Variants in ELAPOR1 observed in about 807,000 individuals in gnomAD.
ELAPOR1 encodes endosome/lysosome-associated apoptosis and autophagy regulator 1.
ELAPOR1 carries 77 observed loss-of-function variants against 119.7 expected under a neutral mutation model. That is an observed-to-expected ratio of 0.64 (90% confidence interval 0.54 to 0.78). The LOEUF is 0.78. Ranked by LOEUF, ELAPOR1 falls within the 30% of genes least tolerant of loss-of-function variation. ELAPOR1 has a pLI of 0.00. For missense variants in ELAPOR1, 1,115 were observed against 1,270.4 expected (o/e 0.88, Z 1.86); for synonymous variants, 481 against 487.2 (o/e 0.99, Z 0.17).
At chr1:109,187,484 A>T (rs1570710969) in intron 8 of ELAPOR1, 1 of 1,000,116 alleles carries the variant, frequency 1.0e-6, no homozygotes, top group South Asian at 4.7e-5. Flanking sequence ...ATCTGCACAG[A>T]TCATGTTCAT....
intron 1 of ELAPOR1, among the ~76,000 whole-genome samples, chr1:109,152,375 A>G (rs1457071378): frequency 6.6e-6 from 1 of 152,180 alleles, no homozygotes; most frequent in Non-Finnish European, 1.5e-5. Context: ...ATCCTGTCCC[A>G]GCCAAGACAA....
chr1:109,165,786 C>T (rs1212579099), intron 3 of ELAPOR1, among the ~76,000 whole-genome samples: 2 of 149,654 alleles, frequency 1.3e-5, no homozygotes, highest in African/African-American at 4.9e-5. Context: ...ACTCTGTCGC[C>T]CAGGCTGGAG....
At chr1:109,164,719 C>T (rs761456199) in intron 3 of ELAPOR1, 28 bp downstream of exon 3, 7 of 1,585,994 alleles carry the variant, frequency 4.4e-6, no homozygotes, top group Admixed American at 1.7e-5. Flanking sequence ...CCCACCCCAC[C>T]CCCAGCCCAC....
intron 9 of ELAPOR1, 39 bp from the exon 10 acceptor site, chr1:109,189,027 T>C (rs755645737): frequency 3.0e-5 from 48 of 1,607,682 alleles, no homozygotes; most frequent in Non-Finnish European, 4.0e-5. Context: ...GACTGCAGCC[T>C]TCCCACTGAA....
chr1:109,143,665 G>T (rs1449272358), intron 1 of ELAPOR1, among the ~76,000 whole-genome samples: 1 of 151,988 alleles, frequency 6.6e-6, no homozygotes, highest in Non-Finnish European at 1.5e-5. Flanking sequence ...TCAGCTGCCT[G>T]TAAAAGTTTG....
chr1:109,178,473 T>C (rs1652488122), intron 7 of ELAPOR1, among the ~76,000 whole-genome samples: 1 of 152,228 alleles, frequency 6.6e-6, no homozygotes, highest in South Asian at 2.1e-4. Flanking sequence ...TATGATAGAC[T>C]GTATGCAGGG....
chr1:109,183,154 CAA>C (rs1652799702), intron 7 of ELAPOR1, among the ~76,000 whole-genome samples: 2 of 150,652 alleles, frequency 1.3e-5, no homozygotes, highest in Admixed American at 6.6e-5. Context: ...TTCAAATTTT[CAA>C]AAGAGTTTTT....
At chr1:109,186,555 C>T (rs1653057419) in intron 8 of ELAPOR1, 2 of 985,528 alleles carry the variant, frequency 2.0e-6, no homozygotes, top group South Asian at 9.4e-5. Context: ...GTATTTGGGG[C>T]ATCATCCCCT....
chr1:109,194,880 G>T (rs1288869201), intron 15 of ELAPOR1, among the ~76,000 whole-genome samples: 1 of 152,174 alleles, frequency 6.6e-6, no homozygotes, highest in East Asian at 1.9e-4. Flanking sequence ...GGCCGAGACG[G>T]GCGGATCACC....
At chr1:109,195,836 A>G (rs1296769961) in intron 15 of ELAPOR1, among the ~76,000 whole-genome samples, 2 of 152,234 alleles carry the variant, frequency 1.3e-5, no homozygotes, top group East Asian at 1.9e-4. Flanking sequence ...ACAAGCCACA[A>G]TTAGCAGTTG....
At chr1:109,193,953 A>G (rs755941600) in intron 14 of ELAPOR1, among the ~76,000 whole-genome samples, 5 of 152,198 alleles carry the variant, frequency 3.3e-5, no homozygotes, top group Non-Finnish European at 5.9e-5. Flanking sequence ...TTCGGAGTTC[A>G]GTTTCCTACA....
At chr1:109,177,147 G>C (rs1355687137) in intron 7 of ELAPOR1, among the ~76,000 whole-genome samples, 1 of 127,078 alleles carries the variant, frequency 7.9e-6, no homozygotes, top group African/African-American at 3.3e-5. Context: ...GGTGGTGGCC[G>C]GGCAGAGGGG....
At chr1:109,191,529 G>T (rs753559702) in intron 12 of ELAPOR1, 58 bp downstream of exon 12, 2 of 1,501,058 alleles carry the variant, frequency 1.3e-6, no homozygotes, top group Non-Finnish European at 1.9e-6. Context: ...AGCCCCATCT[G>T]CCCCATTGGT....
Position 109,200,846 on chromosome 1 carries a change from C to T in ELAPOR1, c.2919C>T (p.Leu973=). 1 of 1,614,212 alleles carries T rather than the reference C, an allele frequency of 6.2e-7. No homozygotes were observed. Among genetic ancestry groups the T allele is most frequent in the Non-Finnish European group, 8.5e-7 (1 of 1,180,036 alleles). Residue 973 remains leucine (L), a synonymous_variant, in exon 21 of 22, where the codon CTC becomes CTT. Transcript: ENST00000369939. The part of the protein sequence containing the change: ...IMEGEDVEDD[L]IFTSKKSLFG... ...AAGGCGAGGATGTAGAGGACGACCT[C>T]ATCTTTACCAGCAAGAAGTCACTCT...
rs146728085 is a variant in ELAPOR1, at chr1:109,160,792, C to G, written c.154-1102C>G. ...ATACTTGTCAGAGCCAAAATCATCA[C>G]TAATTCCATGGTCTGTTGTTTATTA... is the stretch of plus-strand genomic sequence containing the variant. On this transcript the variant is annotated intron_variant, in intron 1 of 21. Coordinates refer to ENST00000369939, the MANE Select transcript of ELAPOR1 (RefSeq NM_020775.5). Among the ~76,000 whole-genome samples, 88 of 152,308 alleles carry G rather than the reference C, an allele frequency of 5.8e-4. 1 individual carries two copies. The highest frequency in any genetic ancestry group is 2.1e-3 in the African/African-American group (86 of 41,566).
At chr1:109,198,725 T>A in intron 18 of ELAPOR1, 51 bp downstream of exon 18, 1 of 1,477,962 alleles carries the variant, frequency 6.8e-7, no homozygotes, top group Non-Finnish European at 9.4e-7. Context: ...CTTGAAGTCA[T>A]TCCATCCTGA....
intron 7 of ELAPOR1, among the ~76,000 whole-genome samples, chr1:109,183,636 C>CCTTCCTTCCTTCCTTCCTTT (rs150843023): frequency 7.5e-5 from 10 of 133,898 alleles, no homozygotes; most frequent in East Asian, 4.2e-4. Context: ...TTCCTTCCTT[C>CCTTCCTTCCTTCCTTCCTTT]CTAACAGAGT....
At chr1:109,172,432 A>G in intron 4 of ELAPOR1, 56 bp from the exon 5 acceptor site, 1 of 1,303,186 alleles carries the variant, frequency 7.7e-7, no homozygotes, top group Non-Finnish European at 1.1e-6. Flanking sequence ...ATGTGGGGAA[A>G]GGTATCCATT....
At chr1:109,198,793 G>A (rs1653987772) in intron 18 of ELAPOR1, 119 bp downstream of exon 18, 1 of 804,764 alleles carries the variant, frequency 1.2e-6, no homozygotes, top group South Asian at 1.7e-5. Flanking sequence ...CCATTAATGG[G>A]TGCTTAGGGG....
Sources: gnomAD v4.1 joint callset for allele counts (sites outside exome capture counted in the v4.1 genomes callset) on GRCh38, gnomAD v4.1.1 for gene constraint, MANE v1.5 for transcripts, NCBI Gene and HGNC (gene_info 2026-07-23, HGNC 2026-07-21) for gene names.